LRP1B: variants seen among roughly 807,000 people sequenced by gnomAD.
LRP1B encodes the protein LDL receptor related protein 1B, also known as low-density lipoprotein receptor-related protein 1B.
Under a neutral mutation model 556.6 loss-of-function variants are expected in LRP1B, and 217 were observed. The ratio of observed to expected loss-of-function variants is 0.39; its 90% CI spans 0.35 to 0.44. The LOEUF (loss-of-function observed/expected upper bound fraction) is 0.44. LRP1B is among the 20% of genes least tolerant of loss of function. LRP1B has a pLI of 1.00. For missense variants in LRP1B, 5,053 were observed against 5,620.8 expected (o/e 0.90, Z 3.23); for synonymous variants, 2,047 against 1,865.8 (o/e 1.10, Z -2.50).
chr2:141,971,687 T>C lies in LRP1B; in HGVS notation c.82+158961A>G, dbSNP rs558573279. Among the ~76,000 whole-genome samples, 24 of 151,650 alleles carry C rather than the reference T, an allele frequency of 1.6e-4. No individual in the cohort carries two copies. The South Asian group carries it at 5.0e-3, about 31-fold the overall frequency. ...TGAAAGATGTTGATAGAACCTAGCA[T>C]CAAGTTACCAGTAAAAAATGGTATA... is the stretch of plus-strand genomic sequence containing the variant. On this transcript the variant is annotated intron_variant, in intron 1 of 90. Coordinates refer to ENST00000389484, the MANE Select transcript of LRP1B (RefSeq NM_018557.3).
rs566838679 is a variant in LRP1B, at chr2:141,912,300, A to G, written c.83-101899T>C. On this transcript the variant is annotated intron_variant, in intron 1 of 90. Coordinates refer to ENST00000389484, the MANE Select transcript of LRP1B (RefSeq NM_018557.3). ...ATAATTCCACTAATCATTATGTATA[A>G]TCCCAACACCAAAGTAGATACTAAT... is the stretch of plus-strand genomic sequence containing the variant. 3.3e-5 allele frequency among the ~76,000 whole-genome samples: 5 copies of G among 152,268 alleles called. No individual in the cohort carries two copies. In the South Asian group the frequency reaches 8.3e-4, roughly 25 times the overall value.
chr2:141,889,590 G>A (rs1367522512), intron 1 of LRP1B, among the ~76,000 whole-genome samples: 1 of 152,144 alleles, frequency 6.6e-6, no homozygotes, highest in Non-Finnish European at 1.5e-5. Flanking sequence ...TAGTTTGTAA[G>A]TTACTAAAGA....
chr2:140,696,705 G>T (rs1686441186), intron 41 of LRP1B, among the ~76,000 whole-genome samples: 1 of 152,010 alleles, frequency 6.6e-6, no homozygotes, highest in Non-Finnish European at 1.5e-5. Flanking sequence ...TTTCATACGA[G>T]CGCAAACCCT....
At chr2:140,484,460 T>C (rs1688383140) in intron 59 of LRP1B, among the ~76,000 whole-genome samples, 1 of 152,118 alleles carries the variant, frequency 6.6e-6, no homozygotes, top group South Asian at 2.1e-4. Context: ...TGCAGAAAAT[T>C]TGGAGTACCA....
At position 140,803,282 on chromosome 2, in the gene LRP1B, T is replaced by C. The variant is rs56812398; in HGVS notation, c.5359+10375A>G. Among the ~76,000 whole-genome samples, 221 of 67,590 alleles carry C rather than the reference T, an allele frequency of 3.3e-3. 1 individual carries two copies. The highest frequency in any genetic ancestry group is 0.011 in the South Asian group (21 of 1,866). 44.3% of individuals were successfully genotyped at this position (67,590 alleles called of 152,430 possible). ...AAAGTTTTTTTTTTTTTTTTTTTTT[T>C]TTTTTTTTCCGAGATGGAGTCTCCC... is the stretch of plus-strand genomic sequence containing the variant. On this transcript the variant is annotated intron_variant, in intron 32 of 90. Coordinates refer to ENST00000389484, the MANE Select transcript of LRP1B (RefSeq NM_018557.3).
At chr2:141,801,471 C>T (rs1198446432) in intron 2 of LRP1B, among the ~76,000 whole-genome samples, 4 of 152,084 alleles carry the variant, frequency 2.6e-5, no homozygotes, top group South Asian at 4.2e-4. Context: ...TGTGTTGTAA[C>T]GAGATAGCTT....
chr2:141,902,990 T>C (rs1267047836), intron 1 of LRP1B, among the ~76,000 whole-genome samples: 1 of 151,964 alleles, frequency 6.6e-6, no homozygotes, highest in Admixed American at 6.6e-5. Context: ...ATTTTAATTG[T>C]CTGTAGGCTG....
At chr2:141,887,980 A>C (rs1053272793) in intron 1 of LRP1B, among the ~76,000 whole-genome samples, 3 of 152,210 alleles carry the variant, frequency 2.0e-5, no homozygotes, top group Non-Finnish European at 2.9e-5. Context: ...TTTCCCTCTT[A>C]CCACCTTCCT....
At chr2:141,226,231 G>GA (rs1348010295) in intron 6 of LRP1B, among the ~76,000 whole-genome samples, 4 of 151,734 alleles carry the variant, frequency 2.6e-5, no homozygotes, top group Non-Finnish European at 4.4e-5. Flanking sequence ...TAGTGTAAAA[G>GA]AAAAAAACAG....
At chr2:141,543,439 C>T (rs963089882) in intron 2 of LRP1B, among the ~76,000 whole-genome samples, 5 of 143,936 alleles carry the variant, frequency 3.5e-5, no homozygotes, top group Non-Finnish European at 6.0e-5. Context: ...TGCTTCAGCC[C>T]GGGAGGCTGA....
rs185549813 is a variant in LRP1B, at chr2:140,620,750, T to C, written c.6800-19111A>G. On this transcript the variant is annotated intron_variant, in intron 41 of 90. Transcript: ENST00000389484. ...TTTACATGTTATAAGTTATGAATAA[T>C]ATATTTGAGAGAAGAAACATGAAAT... Among the ~76,000 whole-genome samples the C allele has an allele frequency of 7.6e-4, 115 of 152,228 alleles. 1 individual carries two copies. Among genetic ancestry groups the C allele is most frequent in the African/African-American group, 2.6e-3 (110 of 41,584 alleles).
chr2:140,579,929 C>A (rs1681694891), intron 43 of LRP1B, among the ~76,000 whole-genome samples: 1 of 152,138 alleles, frequency 6.6e-6, no homozygotes. Context: ...TCCTTCTCTC[C>A]TTTTGGAAGA....
chr2:141,869,941 G>T (rs114629143), intron 1 of LRP1B, among the ~76,000 whole-genome samples: 45 of 152,110 alleles, frequency 3.0e-4, no homozygotes, highest in African/African-American at 1.0e-3. Flanking sequence ...AGGAAGAGAA[G>T]TTTTATACAA....
chr2:140,343,907 C>T (rs1681522682), intron 77 of LRP1B, among the ~76,000 whole-genome samples: 1 of 151,424 alleles, frequency 6.6e-6, no homozygotes, highest in Admixed American at 6.6e-5. Flanking sequence ...CAGTAGTTGC[C>T]TGGTGATGGG....
chr2:140,426,782 C>G (rs1241072656), intron 66 of LRP1B, among the ~76,000 whole-genome samples: 5 of 152,208 alleles, frequency 3.3e-5, no homozygotes, highest in African/African-American at 1.2e-4. Flanking sequence ...TTGGTGGTCT[C>G]TTCACATGGA....
intron 1 of LRP1B, among the ~76,000 whole-genome samples, chr2:142,086,636 CA>C (rs1320332486): frequency 2.1e-5 from 1 of 48,114 alleles, no homozygotes; most frequent in Admixed American, 3.5e-4. Context: ...AACAAACAAA[CA>C]AACAAAAAAA....
intron 1 of LRP1B, among the ~76,000 whole-genome samples, chr2:141,964,917 C>T (rs1457435101): frequency 1.3e-5 from 2 of 150,070 alleles, no homozygotes; most frequent in Non-Finnish European, 3.0e-5. Flanking sequence ...CAAACAACCC[C>T]ATCAAAAAGT....
chr2:141,104,247 C>T lies in LRP1B; in HGVS notation c.1014-41974G>A, dbSNP rs538360555. On this transcript the variant is annotated intron_variant, in intron 7 of 90. Coordinates refer to ENST00000389484, the MANE Select transcript of LRP1B (RefSeq NM_018557.3). The stretch of plus-strand genomic sequence containing the variant: ...TTTAGGATTATGGCATATGTATCCC[C>T]TGTATCTAAAATAAAATTTGAATTT... Among the ~76,000 whole-genome samples, 6 of 151,964 alleles carry T rather than the reference C, an allele frequency of 3.9e-5. No individual in the cohort carries two copies. The East Asian group carries it at 7.8e-4, about 20-fold the overall frequency.
In LRP1B at chr2:140,978,849, C is replaced by T. The variant is rs138635964; in HGVS notation, c.2887+3311G>A. Among the ~76,000 whole-genome samples the T allele has an allele frequency of 1.5e-4, 23 of 152,272 alleles. No homozygotes were observed. In the East Asian group the frequency reaches 3.9e-3, roughly 26 times the overall value. ...AAATGGTACTGATACTAACCCATGC[C>T]GCTAGTTTACCGATACTCTGTAAAA... On this transcript the variant is annotated intron_variant, in intron 18 of 90. Coordinates refer to ENST00000389484, the MANE Select transcript of LRP1B (RefSeq NM_018557.3).
Sources: allele counts gnomAD v4.1 joint callset (sites outside exome capture counted in the v4.1 genomes callset), GRCh38; gene constraint gnomAD v4.1.1; transcripts MANE v1.5; gene names NCBI Gene and HGNC (gene_info 2026-07-23, HGNC 2026-07-21).